The following PLCXD3 variants were observed in gnomAD, a reference collection of about 807,000 sequenced individuals.
PLCXD3 encodes phosphatidylinositol specific phospholipase C X domain containing 3, also known as PI-PLC X domain-containing protein 3.
In PLCXD3, 19 loss-of-function variants were observed where a neutral mutation model predicts 25.5. The ratio of observed to expected loss-of-function variants is 0.75; its 90% CI spans 0.52 to 1.09. The LOEUF (loss-of-function observed/expected upper bound fraction) is 1.09, where lower values mean the gene tolerates loss of function less well. Ranked by LOEUF, PLCXD3 falls within the 50% of genes least tolerant of loss-of-function variation. PLCXD3 has a pLI of 0.00. For missense variants in PLCXD3, 411 were observed against 388.1 expected, an observed-to-expected ratio of 1.06 and a Z score of -0.50; for synonymous variants, 174 against 137.6, an observed-to-expected ratio of 1.26 and a Z score of -1.85.
intron 1 of PLCXD3, among the ~76,000 whole-genome samples, chr5:41,431,167 C>CT (rs1422283665): frequency 6.6e-6 from 1 of 152,184 alleles, no homozygotes; most frequent in African/African-American, 2.4e-5. Context: ...GATTTTATCT[C>CT]TAACTGTCGA....
chr5:41,334,656 C>G (rs902168330), intron 2 of PLCXD3, among the ~76,000 whole-genome samples: 1 of 152,230 alleles, frequency 6.6e-6, no homozygotes, highest in South Asian at 2.1e-4. Context: ...ATATGCCATC[C>G]GTTTCCTTTG....
At position 41,510,281 on chromosome 5, in the gene PLCXD3, C is replaced by A. The variant is rs4245980; in HGVS notation, c.103+143G>T. The A allele has an allele frequency of 1.3e-3, 918 of 712,168 alleles. 4 individuals carry two copies. In the African/African-American group the frequency reaches 0.015, roughly 12 times the overall value. The allele number at this position is 712,168 out of a possible 1,614,324, so 44.1% of individuals were successfully genotyped here. ...GAAGCCCAAGGCTACCCGGCACGCG[C>A]TCGCCTGGCCTGAGACCCACCCTGG... On this transcript the variant is annotated intron_variant, in intron 1 of 2. Coordinates refer to ENST00000377801, the MANE Select transcript of PLCXD3 (RefSeq NM_001005473.3).
intron 1 of PLCXD3, among the ~76,000 whole-genome samples, chr5:41,382,941 G>C (rs1359240713): frequency 2.0e-5 from 3 of 152,032 alleles, no homozygotes. Context: ...ATTTTGGGTT[G>C]ATTTTAAGCC....
At chr5:41,499,602 T>C (rs915856874) in intron 1 of PLCXD3, among the ~76,000 whole-genome samples, 6 of 151,774 alleles carry the variant, frequency 4.0e-5, no homozygotes, top group Non-Finnish European at 5.9e-5. Context: ...GCAATCTTTA[T>C]CAAAACCTGC....
intron 2 of PLCXD3, among the ~76,000 whole-genome samples, chr5:41,370,106 G>A (rs1010607301): frequency 5.3e-5 from 8 of 152,142 alleles, no homozygotes; most frequent in Admixed American, 3.3e-4. Flanking sequence ...AGTGATGAGG[G>A]GGTGGAAGGA....
chr5:41,455,293 A>C (rs576467317), intron 1 of PLCXD3, among the ~76,000 whole-genome samples: 1 of 152,038 alleles, frequency 6.6e-6, no homozygotes, highest in South Asian at 2.1e-4. Context: ...CAGTTCTAGG[A>C]AACTCATAAC....
Position 41,360,842 on chromosome 5 carries a change from G to A in PLCXD3, c.812+20984C>T, listed in dbSNP as rs571204305. ...TTGGTTTTGTGTTGGTTGGCCTCCC[G>A]CCAGGAGGTAGGGCTTTCATGAGCA... On this transcript the variant is annotated intron_variant, in intron 2 of 2. Transcript: ENST00000377801. Among the ~76,000 whole-genome samples, 14 of 152,190 alleles carry A rather than the reference G, an allele frequency of 9.2e-5. No homozygotes were observed. The South Asian group carries it at 2.5e-3, about 27-fold the overall frequency.
intron 1 of PLCXD3, among the ~76,000 whole-genome samples, chr5:41,494,810 GA>G (rs1331380064): frequency 6.6e-6 from 1 of 152,046 alleles, no homozygotes; most frequent in Middle Eastern, 3.2e-3. Flanking sequence ...TGTAACAATA[GA>G]AAAAAGGAGT....
intron 1 of PLCXD3, among the ~76,000 whole-genome samples, chr5:41,411,668 A>T (rs1241616898): frequency 6.6e-6 from 1 of 151,962 alleles, no homozygotes; most frequent in Non-Finnish European, 1.5e-5. Flanking sequence ...ATTTGGTCTT[A>T]TAAATCTTAC....
intron 2 of PLCXD3, among the ~76,000 whole-genome samples, chr5:41,322,360 A>G (rs1014098679): frequency 1.3e-5 from 2 of 152,220 alleles, no homozygotes; most frequent in Non-Finnish European, 1.5e-5. Flanking sequence ...AGAGATGCAA[A>G]TCATGTCATC....
intron 2 of PLCXD3, among the ~76,000 whole-genome samples, chr5:41,372,668 GA>G (rs1745138541): frequency 6.6e-6 from 1 of 151,946 alleles, no homozygotes; most frequent in Non-Finnish European, 1.5e-5. Flanking sequence ...TTCCTTCTGA[GA>G]AATAAAAATT....
Position 41,337,817 on chromosome 5 carries a change from C to G in PLCXD3, c.813-24047G>C, listed in dbSNP as rs75661047. 2.3e-3 allele frequency among the ~76,000 whole-genome samples: 356 copies of G among 152,076 alleles called. 7 individuals are homozygous for G. In the East Asian group the frequency reaches 0.049, roughly 21 times the overall value. On this transcript the variant is annotated intron_variant, in intron 2 of 2. Coordinates refer to ENST00000377801, the MANE Select transcript of PLCXD3 (RefSeq NM_001005473.3). Reference sequence around the variant, plus strand: ...TCTATAATTTCCTCCTGACAGTGACCTTATGAAGTCAGAATCTTTTAACAG... The same window carrying G: ...TCTATAATTTCCTCCTGACAGTGACGTTATGAAGTCAGAATCTTTTAACAG...
intron 1 of PLCXD3, among the ~76,000 whole-genome samples, chr5:41,432,971 T>C (rs1170618851): frequency 1.3e-5 from 2 of 152,196 alleles, no homozygotes; most frequent in African/African-American, 2.4e-5. Flanking sequence ...ACCAGTTTCT[T>C]ATGTCACGAA....
intron 1 of PLCXD3, among the ~76,000 whole-genome samples, chr5:41,426,790 T>A (rs570382276): frequency 1.3e-5 from 2 of 152,214 alleles, no homozygotes; most frequent in African/African-American, 4.8e-5. Context: ...TTTTCTTCTT[T>A]TTAAGGTAGT....
chr5:41,414,692 A>G (rs1168470427), intron 1 of PLCXD3, among the ~76,000 whole-genome samples: 2 of 152,200 alleles, frequency 1.3e-5, no homozygotes, highest in Non-Finnish European at 2.9e-5. Flanking sequence ...TGTTAAATGG[A>G]AAATTCCAGA....
intron 1 of PLCXD3, among the ~76,000 whole-genome samples, chr5:41,411,885 T>G (rs1746543755): frequency 2.2e-4 from 1 of 4,608 alleles, no homozygotes; most frequent in East Asian, 7.6e-4. Context: ...CATATATATG[T>G]ATCCATATAT....
intron 1 of PLCXD3, among the ~76,000 whole-genome samples, chr5:41,441,211 C>T (rs1747377350): frequency 1.3e-5 from 2 of 152,092 alleles, no homozygotes; most frequent in African/African-American, 4.8e-5. Flanking sequence ...CTTAAGAAGA[C>T]TTGTAATGAA....
chr5:41,488,981 G>GC (rs1307660287), intron 1 of PLCXD3, among the ~76,000 whole-genome samples: 7 of 152,076 alleles, frequency 4.6e-5, no homozygotes. Flanking sequence ...TGCTTTTGGT[G>GC]TTTTAGACAT....
intron 1 of PLCXD3, among the ~76,000 whole-genome samples, chr5:41,386,006 G>A (rs1011629962): frequency 3.3e-5 from 5 of 152,170 alleles, no homozygotes; most frequent in South Asian, 2.1e-4. Flanking sequence ...ATTCATAGAC[G>A]TACACAGAAA....
Sources: allele counts gnomAD v4.1 joint callset (sites outside exome capture counted in the v4.1 genomes callset), GRCh38; gene constraint gnomAD v4.1.1; transcripts MANE v1.5; gene names NCBI Gene and HGNC (gene_info 2026-07-23, HGNC 2026-07-21).